Variants in ZBTB20 observed in about 807,000 individuals in gnomAD.
ZBTB20 encodes zinc finger and BTB domain-containing protein 20.
In ZBTB20, 9 loss-of-function variants were observed where a neutral mutation model predicts 56.9. That is an observed-to-expected ratio of 0.16 (90% CI 0.10 to 0.28). The LOEUF is 0.28. Ranked by LOEUF, ZBTB20 falls within the 10% of genes least tolerant of loss-of-function variation. ZBTB20 has a pLI of 1.00. For missense variants in ZBTB20, 655 were observed against 1,003.0 expected, an observed-to-expected ratio of 0.65 and a Z score of 4.69; for synonymous variants, 417 against 420.7, an observed-to-expected ratio of 0.99 and a Z score of 0.11.
intron 1 of ZBTB20, among the ~76,000 whole-genome samples, chr3:115,116,254 G>T (rs1219904701): frequency 6.6e-6 from 1 of 151,970 alleles, no homozygotes; most frequent in Non-Finnish European, 1.5e-5. Context: ...ATAATGCTCT[G>T]ATATTGCCCA....
At chr3:114,778,823 CAG>C (rs2069837707) in intron 5 of ZBTB20, among the ~76,000 whole-genome samples, 1 of 152,068 alleles carries the variant, frequency 6.6e-6, no homozygotes, top group Non-Finnish European at 1.5e-5. Context: ...CATATTAACA[CAG>C]AGTATTCATT....
intron 6 of ZBTB20, among the ~76,000 whole-genome samples, chr3:114,602,480 C>CTTCTG (rs1420535872): frequency 2.0e-5 from 3 of 152,096 alleles, no homozygotes; most frequent in African/African-American, 7.2e-5. Flanking sequence ...TTCCCAGCAC[C>CTTCTG]TTCTGTTATG....
intron 2 of ZBTB20, among the ~76,000 whole-genome samples, chr3:115,064,793 G>A (rs2082147219): frequency 1.3e-5 from 2 of 152,234 alleles, no homozygotes. Flanking sequence ...AGCTTTGAAT[G>A]TTGTCATTAA....
At chr3:115,011,786 T>C (rs959024018) in intron 2 of ZBTB20, among the ~76,000 whole-genome samples, 1 of 151,832 alleles carries the variant, frequency 6.6e-6, no homozygotes, top group Non-Finnish European at 1.5e-5. Flanking sequence ...AACTGCAGTG[T>C]ATAAACTGCT....
At chr3:115,064,452 T>TC (rs1258916842) in intron 2 of ZBTB20, among the ~76,000 whole-genome samples, 5 of 142,812 alleles carry the variant, frequency 3.5e-5, no homozygotes, top group Non-Finnish European at 7.6e-5. Context: ...TCTTTTTTTT[T>TC]TTTTTTTTTT....
intron 5 of ZBTB20, among the ~76,000 whole-genome samples, chr3:114,800,193 A>C (rs1304350089): frequency 2.0e-5 from 3 of 151,956 alleles, no homozygotes; most frequent in Admixed American, 6.6e-5. Flanking sequence ...TTGATCTAAA[A>C]TTAAAAATAA....
At chr3:114,676,210 A>G (rs2061616491) in intron 6 of ZBTB20, among the ~76,000 whole-genome samples, 1 of 152,190 alleles carries the variant, frequency 6.6e-6, no homozygotes, top group Non-Finnish European at 1.5e-5. Context: ...TCAACAAATT[A>G]CGTATTCATT....
intron 2 of ZBTB20, among the ~76,000 whole-genome samples, chr3:115,055,476 G>C (rs1000566267): frequency 1.3e-5 from 2 of 152,086 alleles, no homozygotes; most frequent in Non-Finnish European, 2.9e-5. Context: ...GAAATAGTGA[G>C]ATAAATGTTT....
intron 6 of ZBTB20, among the ~76,000 whole-genome samples, chr3:114,662,654 A>C (rs576195618): frequency 0.012 from 1,634 of 141,460 alleles, 38 homozygotes; most frequent in African/African-American, 0.041. Context: ...TCTGATGGCC[A>C]GTGATGATGA....
At chr3:115,105,435 C>A (rs959134404) in intron 1 of ZBTB20, among the ~76,000 whole-genome samples, 7 of 152,186 alleles carry the variant, frequency 4.6e-5, no homozygotes, top group Non-Finnish European at 1.0e-4. Context: ...TTAATCCCTA[C>A]ACTATACTGT....
intron 1 of ZBTB20, among the ~76,000 whole-genome samples, chr3:115,092,876 T>C (rs1395389228): frequency 6.6e-6 from 1 of 152,178 alleles, no homozygotes; most frequent in Non-Finnish European, 1.5e-5. Context: ...TTAAAGTGCC[T>C]GTGCTCTCTC....
At chr3:114,657,547 C>T (rs1350713352) in intron 6 of ZBTB20, among the ~76,000 whole-genome samples, 1 of 152,206 alleles carries the variant, frequency 6.6e-6, no homozygotes, top group Non-Finnish European at 1.5e-5. Flanking sequence ...TGGGAGCCTT[C>T]CCTCGATGGC....
At chr3:114,674,452 A>G (rs2061521200) in intron 6 of ZBTB20, among the ~76,000 whole-genome samples, 3 of 152,212 alleles carry the variant, frequency 2.0e-5, no homozygotes, top group Non-Finnish European at 2.9e-5. Flanking sequence ...TTGCAGATGA[A>G]TATTTTGAAA....
At chr3:115,062,561 G>A (rs528412664) in intron 2 of ZBTB20, among the ~76,000 whole-genome samples, 10 of 152,086 alleles carry the variant, frequency 6.6e-5, no homozygotes, top group African/African-American at 2.4e-4. Flanking sequence ...AAGTTCTGGG[G>A]TTTTTTGTTT....
intron 10 of ZBTB20, among the ~76,000 whole-genome samples, chr3:114,361,229 C>T (rs1036280390): frequency 7.9e-5 from 12 of 152,132 alleles, no homozygotes; most frequent in African/African-American, 2.9e-4. Context: ...TTTTGCTTTC[C>T]TGTGTGTGGA....
At chr3:114,856,358 T>C (rs560412438) in intron 4 of ZBTB20, among the ~76,000 whole-genome samples, 1 of 152,256 alleles carries the variant, frequency 6.6e-6, no homozygotes, top group East Asian at 1.9e-4. Context: ...ATTGAACAGA[T>C]GTTCCCAAGA....
At position 114,337,251 on chromosome 3, in the gene ZBTB20, C is replaced by G. The variant is rs988810282; in HGVS notation, c.*1754G>C. ...GGAAGGAAAAAAGTAATTTTGGCAT[C>G]AATGCATCTTGATCTATAACAGGCT... On this transcript the variant is annotated 3_prime_UTR_variant, in exon 12 of 12. Coordinates refer to ENST00000675478, the MANE Select transcript of ZBTB20 (RefSeq NM_001348800.3). 6.6e-6 allele frequency: 1 copy of G among 152,222 alleles called. No homozygotes were observed. Among genetic ancestry groups the G allele is most frequent in the Admixed American group, 6.5e-5 (1 of 15,284 alleles). The allele number at this position is 152,222 out of a possible 1,614,324, so 9.4% of individuals were successfully genotyped here. A position where few individuals can be genotyped will look rare whatever the true frequency, so the allele number is the denominator to read the frequency against.
intron 4 of ZBTB20, among the ~76,000 whole-genome samples, chr3:114,811,929 T>C (rs1157264231): frequency 2.0e-5 from 3 of 152,166 alleles, no homozygotes; most frequent in Non-Finnish European, 4.4e-5. Flanking sequence ...CGGTGAGTGT[T>C]ACAGTTCTTA....
intron 6 of ZBTB20, among the ~76,000 whole-genome samples, chr3:114,594,750 A>T (rs1335094829): frequency 6.6e-6 from 1 of 152,202 alleles, no homozygotes; most frequent in African/African-American, 2.4e-5. Flanking sequence ...TTTCTAAGCC[A>T]CCCATGGAAA....
Sources: gnomAD v4.1 joint callset for allele counts (sites outside exome capture counted in the v4.1 genomes callset) on GRCh38, gnomAD v4.1.1 for gene constraint, MANE v1.5 for transcripts, NCBI Gene and HGNC (gene_info 2026-07-23, HGNC 2026-07-21) for gene names.